Variants in ABCA7 observed in about 807,000 individuals in gnomAD.
The protein encoded by ABCA7 is ATP binding cassette subfamily A member 7.
ABCA7 carries 261 observed loss-of-function variants against 227.6 expected under a neutral mutation model. The observed-to-expected ratio is 1.15, with a 90% CI of 1.04 to 1.27. The LOEUF is 1.27. ABCA7 is among the 50% of genes most tolerant of loss of function. ABCA7 has a pLI of 0.00. For synonymous variants in ABCA7, 1,488 were observed against 1,279.7 expected, an observed-to-expected ratio of 1.16 and a Z score of -3.47; for missense variants, 3,331 against 2,924.5, an observed-to-expected ratio of 1.14 and a Z score of -3.21.
chr19:1,055,290 C>G lies in ABCA7; in HGVS notation c.4144C>G (p.Leu1382Val). The G allele has an allele frequency of 6.2e-7, 1 of 1,605,120 alleles. No homozygotes were observed. Among genetic ancestry groups the G allele is most frequent in the South Asian group, 1.1e-5 (1 of 90,220 alleles). The change falls in exon 30 of 47, where the codon CTG becomes GTG. Residue 1382 changes from leucine to valine, a missense_variant. Coordinates refer to ENST00000263094, the MANE Select transcript of ABCA7 (RefSeq NM_019112.4). The part of the protein sequence containing the change: ...VTGSGEVVQN[L>V]TGRNLSDFLV... ...CGGCTCTGGGGAAGTGGTTCAGAAC[C>G]TGACAGGCCGGAACCTGTCTGACTT... is the stretch of plus-strand genomic sequence containing the variant.
At chr19:1,064,812 T>A in intron 45 of ABCA7, 119 bp from the exon 46 acceptor site, 1 of 1,407,512 alleles carries the variant, frequency 7.1e-7, no homozygotes. Flanking sequence ...GGAGGACCAC[T>A]TGATCGCTAG....
Position 1,064,942 on chromosome 19 carries a change from G to C in ABCA7, c.6056G>C (p.Gly2019Ala), listed in dbSNP as rs1263686028. The C allele has an allele frequency of 6.5e-7, 1 of 1,548,074 alleles. No individual in the cohort carries two copies. The change falls in exon 46 of 47, where the codon GGT becomes GCT. Residue 2019 changes from glycine (G) to alanine (A), a missense_variant. By Grantham distance (60) the Gly-to-Ala change is moderately conservative. Coordinates refer to ENST00000263094, the MANE Select transcript of ABCA7 (RefSeq NM_019112.4). ...PQHLKGRFAA[G>A]HTLTLRVPAA... ...CCCACTCACTGCAGATTCGCGGCGG[G>C]TCACACACTGACCCTGCGGGTGCCC...
rs200536800 is a variant in ABCA7, at chr19:1,053,825, C to G, written c.3461C>G (p.Thr1154Arg). 2 of 1,612,016 alleles carry G rather than the reference C, an allele frequency of 1.2e-6. No individual in the cohort carries two copies. Among genetic ancestry groups the G allele is most frequent in the African/African-American group, 1.3e-5 (1 of 74,880 alleles). Residue 1154 changes from threonine (T) to arginine (R), a missense_variant, in exon 25 of 47, where the codon ACA becomes AGA. By Grantham distance (71) the Thr-to-Arg change is moderately conservative. Transcript: ENST00000263094. Reference sequence around the variant, plus strand: ...GTGGTGGAGGAGTGTGCTGCGGACACAGATATGGAGGGTGCGGCCACAGCT... The same window carrying G: ...GTGGTGGAGGAGTGTGCTGCGGACAGAGATATGGAGGGTGCGGCCACAGCT... ...LKVVEECAADTDMEDGSCGQH... is the reference protein window; with the variant it reads ...LKVVEECAADRDMEDGSCGQH...
rs766443889 is a variant in ABCA7, at chr19:1,047,529, AGTGGCACAAC to A, written c.2149_2158del (p.His717AlafsTer77). ...CTGGAGGAGCAGGGCGAGGGCGCGC[AGTGGCACAAC>A]GTGGGCACCCGGCCTACGGCAGACG... On this transcript the variant is annotated frameshift_variant, in exon 16 of 47. Coordinates refer to ENST00000263094, the MANE Select transcript of ABCA7 (RefSeq NM_019112.4). LOFTEE classifies it high-confidence loss of function. 2 of 1,596,590 alleles carry A rather than the reference AGTGGCACAAC, an allele frequency of 1.3e-6. No individual in the cohort carries two copies. Among genetic ancestry groups the A allele is most frequent in the Admixed American group, 3.4e-5 (2 of 59,296 alleles).
At position 1,042,182 on chromosome 19, in the gene ABCA7, G is replaced by C. The variant is rs2040109314; in HGVS notation, c.415+6G>C. The C allele has an allele frequency of 5.0e-6, 8 of 1,601,248 alleles. No homozygotes were observed. The highest frequency in any genetic ancestry group is 6.8e-6 in the Non-Finnish European group (8 of 1,178,996). ...GAGGGCTGCACGCAGCACGGGTGAG[G>C]AGGCCGGGGGGCCTCTGGCAGGGCT... On this transcript the variant is annotated splice_donor_region_variant and intron_variant, in intron 5 of 46. Transcript: ENST00000263094.
chr19:1,044,203 G>T (rs1408322115), intron 10 of ABCA7, among the ~76,000 whole-genome samples: 1 of 141,246 alleles, frequency 7.1e-6, no homozygotes, highest in Non-Finnish European at 1.5e-5. Flanking sequence ...GCCTCCCAAA[G>T]TGCTGGGATT....
Position 1,043,271 on chromosome 19 carries a change from T to C in ABCA7, c.790+20T>C, listed in dbSNP as rs1325413880. On this transcript the variant is annotated intron_variant, in intron 8 of 46. Transcript: ENST00000263094. ...GCCTGAGTGAGTGACTGACCTCGGT[T>C]TCCCCTCTTGGGAAGTGGAACTCTG... 1 of 1,609,444 alleles carries C rather than the reference T, an allele frequency of 6.2e-7. No individual in the cohort carries two copies. Among genetic ancestry groups the C allele is most frequent in the Non-Finnish European group, 8.5e-7 (1 of 1,177,140 alleles).
Position 1,054,031 on chromosome 19 carries a change from C to T in ABCA7, c.3498C>T (p.Cys1166=), listed in dbSNP as rs201089812. Residue 1166 remains cysteine (C), a synonymous_variant, in exon 26 of 47, where the codon TGC becomes TGT. Transcript: ENST00000263094. This position sits in a 1 kb window ranked among gnomAD's most constrained non-coding sequence, Gnocchi z 4.8. ...MEDGSCGQHL[C]TGIAGLDVTL... ...ATGGCAGCTGCGGGCAGCACCTATG[C>T]ACAGGCATTGCTGGCCTAGACGTAA... 30 of 1,613,338 alleles carry T rather than the reference C, an allele frequency of 1.9e-5. No homozygotes were observed. Among genetic ancestry groups the T allele is most frequent in the Non-Finnish European group, 6.8e-6 (8 of 1,179,974 alleles).
chr19:1,043,481 C>T lies in ABCA7; in HGVS notation c.930+8C>T, dbSNP rs1172553317. On this transcript the variant is annotated splice_region_variant and intron_variant, in intron 9 of 46. Transcript: ENST00000263094. Reference sequence around the variant, plus strand: ...CGGAAGCTCATGGCCCAGGTGGGGGCAGCCTGGATGCTGGGGTGGGAGGGT... The same window carrying T: ...CGGAAGCTCATGGCCCAGGTGGGGGTAGCCTGGATGCTGGGGTGGGAGGGT... The T allele has an allele frequency of 6.2e-7, 1 of 1,613,128 alleles. No individual in the cohort carries two copies. Among genetic ancestry groups the T allele is most frequent in the Non-Finnish European group, 8.5e-7 (1 of 1,179,988 alleles).
intron 40 of ABCA7, among the ~76,000 whole-genome samples, chr19:1,060,195 G>GTATATATATATATATATATA (rs138175754): frequency 1.9e-4 from 10 of 53,448 alleles, no homozygotes; most frequent in African/African-American, 6.6e-4. Context: ...ACACATTGCA[G>GTATATATATATATATATATA]TATATATATA....
In ABCA7 at chr19:1,064,829, A is replaced by G. The variant is rs28721316; in HGVS notation, c.6045-102A>G. On this transcript the variant is annotated intron_variant, in intron 45 of 46. Coordinates refer to ENST00000263094, the MANE Select transcript of ABCA7 (RefSeq NM_019112.4). Reference sequence around the variant, plus strand: ...AGGACCACTTGATCGCTAGGGTAGTACAAGTATGGGGCGGGGCCAGAGAGT... The same window carrying G: ...AGGACCACTTGATCGCTAGGGTAGTGCAAGTATGGGGCGGGGCCAGAGAGT... 5.8e-3 allele frequency: 8,345 copies of G among 1,433,816 alleles called. 390 individuals are homozygous for G. In the African/African-American group the frequency reaches 0.11, roughly 18 times the overall value. 88.8% of individuals were successfully genotyped at this position (1,433,816 alleles called of 1,614,324 possible).
chr19:1,058,514 C>T, intron 37 of ABCA7, 104 bp from the exon 38 acceptor site: 1 of 1,545,788 alleles, frequency 6.5e-7, no homozygotes, highest in Non-Finnish European at 8.7e-7. Flanking sequence ...AGTGGCCTAT[C>T]CAATTTGTGT....
At position 1,055,361 on chromosome 19, in the gene ABCA7, G is replaced by A. The variant is rs945670955; in HGVS notation, c.4205+10G>A. ...GCCTGGTGCGCCAGGGGTGAGCCAT[G>A]CCCTGGGACTCAGTTTCCCTGGCTA... On this transcript the variant is annotated intron_variant, in intron 30 of 46. Transcript: ENST00000263094. 6.4e-7 allele frequency: 1 copy of A among 1,560,538 alleles called. No homozygotes were observed. The highest frequency in any genetic ancestry group is 1.3e-5 in the African/African-American group (1 of 74,176).
In ABCA7 at chr19:1,042,194, C is replaced by A. The variant is rs778842151; in HGVS notation, c.415+18C>A. 9 of 1,600,982 alleles carry A rather than the reference C, an allele frequency of 5.6e-6. No homozygotes were observed. The highest frequency in any genetic ancestry group is 7.6e-6 in the Non-Finnish European group (9 of 1,178,110). ...CAGCACGGGTGAGGAGGCCGGGGGG[C>A]CTCTGGCAGGGCTGAGCTCTGAGCC... On this transcript the variant is annotated intron_variant, in intron 5 of 46. Coordinates refer to ENST00000263094, the MANE Select transcript of ABCA7 (RefSeq NM_019112.4).
intron 6 of ABCA7, 148 bp downstream of exon 6, chr19:1,042,545 C>G (rs1599551038): frequency 9.0e-7 from 1 of 1,116,374 alleles, no homozygotes; most frequent in Non-Finnish European, 1.3e-6. Context: ...TCCGTCTGGG[C>G]CCCCAGACAG....
At chr19:1,059,236 T>A (rs934689024) in intron 40 of ABCA7, 151 bp downstream of exon 40, 15 of 366,750 alleles carry the variant, frequency 4.1e-5, no homozygotes, top group African/African-American at 3.5e-4. Context: ...CCTATTTTTA[T>A]TTTATTATAT....
At chr19:1,051,623 G>A in intron 21 of ABCA7, 37 bp downstream of exon 21, 2 of 1,586,758 alleles carry the variant, frequency 1.3e-6, no homozygotes, top group Non-Finnish European at 1.7e-6. Flanking sequence ...GGCCAGAAAA[G>A]GCTTCTGACA....
At position 1,065,390 on chromosome 19, in the gene ABCA7, C is replaced by T. The variant is rs556229884; in HGVS notation, c.6406C>T (p.Leu2136Phe). ...LQHPKRVSQF[L>F]DDPSTAETVL ...GCACCCCAAACGCGTCAGCCAGTTC[C>T]TCGATGACCCTAGCACTGCCGAGAC... Residue 2136 changes from leucine (L) to phenylalanine (F), a missense_variant, in exon 47 of 47, where the codon CTC (leucine) becomes TTC (phenylalanine). By Grantham distance (22) the Leu-to-Phe change is conservative. Coordinates refer to ENST00000263094, the MANE Select transcript of ABCA7 (RefSeq NM_019112.4). 1.1e-5 allele frequency: 18 copies of T among 1,613,578 alleles called. No individual in the cohort carries two copies. In the East Asian group the frequency reaches 1.8e-4, roughly 16 times the overall value.
Position 1,051,296 on chromosome 19 carries a change from T to G in ABCA7, c.2824+2T>G. On this transcript the variant is annotated splice_donor_variant, in intron 20 of 46. Coordinates refer to ENST00000263094, the MANE Select transcript of ABCA7 (RefSeq NM_019112.4). LOFTEE classifies it high-confidence loss of function. ...GTGTGCAGACTCGCCACCTCTCTGG[T>G]GAGCCCATCCCCAAGGGAGGTCACC... 1.3e-6 allele frequency: 2 copies of G among 1,592,902 alleles called. No individual in the cohort carries two copies. Among genetic ancestry groups the G allele is most frequent in the Non-Finnish European group, 1.7e-6 (2 of 1,169,420 alleles).
Sources: gnomAD v4.1 joint callset for allele counts (sites outside exome capture counted in the v4.1 genomes callset) on GRCh38, gnomAD v4.1.1 for gene constraint, Gnocchi (gnomAD v3.1) non-coding constraint, MANE v1.5 for transcripts, NCBI Gene and HGNC (gene_info 2026-07-23, HGNC 2026-07-21) for gene names.